The following IL15 variants were observed in gnomAD, a reference collection of about 807,000 sequenced individuals.
The protein encoded by IL15 is interleukin 15.
A neutral mutation model predicts 19.6 loss-of-function variants in IL15; 11 were observed. The ratio of observed to expected loss-of-function variants is 0.56; its 90% CI spans 0.35 to 0.93. IL15 has a LOEUF of 0.93. IL15 is among the 40% of genes least tolerant of loss of function. IL15 has a pLI of 0.01. For missense variants in IL15, 197 were observed against 186.5 expected (o/e 1.06, Z -0.33); for synonymous variants, 58 against 59.6 (o/e 0.97, Z 0.12).
At chr4:141,656,097 A>G in intron 1 of IL15, 89 bp from the exon 2 acceptor site, 4 of 396,052 alleles carry the variant, frequency 1.0e-5, no homozygotes, top group Non-Finnish European at 1.8e-5. Context: ...TAGCATGATC[A>G]GGTATGTAGG....
intron 2 of IL15, among the ~76,000 whole-genome samples, chr4:141,706,858 C>T (rs1729533288): frequency 6.6e-6 from 1 of 152,036 alleles, no homozygotes. Flanking sequence ...TGACTGCTGA[C>T]AGTTTGATAA....
At chr4:141,713,967 C>T (rs1178736507) in intron 2 of IL15, among the ~76,000 whole-genome samples, 1 of 152,054 alleles carries the variant, frequency 6.6e-6, no homozygotes. Context: ...CACATACCAC[C>T]CTAATGACTA....
chr4:141,666,077 A>ATTT (rs1195130605), intron 2 of IL15, among the ~76,000 whole-genome samples: 11 of 119,004 alleles, frequency 9.2e-5, no homozygotes, highest in East Asian at 7.9e-4. Flanking sequence ...CATCCTTTTT[A>ATTT]TTTATTATTT....
At chr4:141,662,241 T>C (rs1727815729) in intron 2 of IL15, among the ~76,000 whole-genome samples, 1 of 152,264 alleles carries the variant, frequency 6.6e-6, no homozygotes, top group Non-Finnish European at 1.5e-5. Flanking sequence ...ACATCTACTC[T>C]GTCCTTGTTG....
chr4:141,715,878 T>C (rs1278459840), intron 2 of IL15: 3 of 152,166 alleles, frequency 2.0e-5, no homozygotes, highest in African/African-American at 7.2e-5. Flanking sequence ...GGAAGAACTA[T>C]AATATTGGTA....
At chr4:141,700,967 G>A (rs927599261) in intron 2 of IL15, among the ~76,000 whole-genome samples, 1 of 151,994 alleles carries the variant, frequency 6.6e-6, no homozygotes, top group African/African-American at 2.4e-5. Flanking sequence ...ATTTCGAGAA[G>A]TTCTGATTTT....
At chr4:141,697,493 G>A (rs1459881651) in intron 2 of IL15, among the ~76,000 whole-genome samples, 1 of 151,922 alleles carries the variant, frequency 6.6e-6, no homozygotes, top group Non-Finnish European at 1.5e-5. Context: ...TGCTATGTGG[G>A]TTCCTTTTTG....
intron 2 of IL15, among the ~76,000 whole-genome samples, chr4:141,678,689 C>A (rs1259852805): frequency 2.6e-5 from 4 of 151,650 alleles, no homozygotes; most frequent in Non-Finnish European, 5.9e-5. Context: ...GCAACCTCTG[C>A]CTCCTGGGTT....
chr4:141,732,232 C>T (rs977640323), intron 7 of IL15, among the ~76,000 whole-genome samples: 1 of 151,988 alleles, frequency 6.6e-6, no homozygotes, highest in Non-Finnish European at 1.5e-5. Flanking sequence ...ATCTTAAGTG[C>T]GAGTAGCAGC....
chr4:141,676,235 C>G (rs1728337185), intron 2 of IL15, among the ~76,000 whole-genome samples: 1 of 152,182 alleles, frequency 6.6e-6, no homozygotes, highest in African/African-American at 2.4e-5. Flanking sequence ...CCGCCCTCAT[C>G]TATAAAGCTG....
chr4:141,700,193 A>T (rs971354397), intron 2 of IL15, among the ~76,000 whole-genome samples: 15 of 152,144 alleles, frequency 9.9e-5, no homozygotes, highest in Admixed American at 6.5e-4. Context: ...TGCTGGGATT[A>T]TAGGAGTGAG....
At chr4:141,699,851 T>C (rs900262490) in intron 2 of IL15, among the ~76,000 whole-genome samples, 3 of 152,212 alleles carry the variant, frequency 2.0e-5, no homozygotes, top group African/African-American at 7.2e-5. Flanking sequence ...TACTGTTCTA[T>C]TCATCATGTT....
chr4:141,662,196 T>A (rs1403039480), intron 2 of IL15, among the ~76,000 whole-genome samples: 1 of 152,242 alleles, frequency 6.6e-6, no homozygotes, highest in South Asian at 2.1e-4. Flanking sequence ...CAATGCACCT[T>A]AGAGAACAGG....
chr4:141,656,617 G>A (rs1047137096), intron 2 of IL15, among the ~76,000 whole-genome samples: 9 of 152,122 alleles, frequency 5.9e-5, no homozygotes, highest in South Asian at 2.1e-4. Context: ...AGCAATAATC[G>A]TGTAGGTGTA....
intron 7 of IL15, among the ~76,000 whole-genome samples, chr4:141,730,990 A>G (rs556783105): frequency 6.6e-6 from 1 of 152,290 alleles, no homozygotes; most frequent in East Asian, 1.9e-4. Context: ...GGGTAGGGGC[A>G]CTGGGGCTCC....
intron 2 of IL15, chr4:141,715,588 G>A (rs1729855786): frequency 6.6e-6 from 1 of 152,082 alleles, no homozygotes; most frequent in Admixed American, 6.6e-5. Context: ...CATCATTGAT[G>A]TATTCCAAGG....
chr4:141,722,076 T>TC (rs1730104453), intron 5 of IL15, 68 bp downstream of exon 5: 7 of 1,455,778 alleles, frequency 4.8e-6, no homozygotes, highest in Middle Eastern at 4.0e-4. Context: ...TCTGTGTTTT[T>TC]CTGTCTGTCT....
chr4:141,663,098 A>G (rs560442411), intron 2 of IL15, among the ~76,000 whole-genome samples: 2 of 152,324 alleles, frequency 1.3e-5, no homozygotes, highest in South Asian at 4.1e-4. Flanking sequence ...GGAATGAAAG[A>G]TTGTGAACTC....
rs189318312 is a variant in IL15 at position 141,732,838 on chromosome 4, A to C, written c.479A>C (p.Asn160Thr). The change falls in exon 8 of 8, where the codon AAC (asparagine) becomes ACC (threonine). Residue 160 changes from asparagine to threonine, a missense_variant. Physicochemically the swap from Asn to Thr is moderately conservative, Grantham distance 65 (BLOSUM62 0). Transcript: ENST00000320650. ...GTACATATTGTCCAAATGTTCATCA[A>C]CACTTCTTGATTGCAATTGATTCTT... ...SFVHIVQMFINTS is the reference protein window; with the variant it reads ...SFVHIVQMFITTS The C allele has an allele frequency of 6.2e-7, 1 of 1,608,028 alleles. No homozygotes were observed.
Sources: gnomAD v4.1 joint callset for allele counts (sites outside exome capture counted in the v4.1 genomes callset) on GRCh38, gnomAD v4.1.1 for gene constraint, MANE v1.5 for transcripts, NCBI Gene and HGNC (gene_info 2026-07-23, HGNC 2026-07-21) for gene names.